The following PCSK2 variants were observed in gnomAD, a reference collection of about 807,000 sequenced individuals.
The protein encoded by PCSK2 is proprotein convertase subtilisin/kexin type 2.
Under a neutral mutation model 69.7 loss-of-function variants are expected in PCSK2, and 14 were observed. The ratio of observed to expected loss-of-function variants is 0.20; its 90% CI spans 0.13 to 0.31. The LOEUF (loss-of-function observed/expected upper bound fraction) is 0.31, where lower values mean the gene tolerates loss of function less well. PCSK2 is among the 10% of genes least tolerant of loss of function. The pLI, the probability that PCSK2 is intolerant of heterozygous loss-of-function variation, is 1.00. For synonymous variants in PCSK2, 307 were observed against 320.7 expected, an observed-to-expected ratio of 0.96 and a Z score of 0.46; for missense variants, 544 against 842.5, an observed-to-expected ratio of 0.65 and a Z score of 4.39.
intron 10 of PCSK2, 51 bp from the exon 11 acceptor site, chr20:17,465,275 C>T (rs771707721): frequency 2.4e-6 from 3 of 1,270,718 alleles, no homozygotes; most frequent in South Asian, 2.5e-5. Flanking sequence ...CTCTCCCTCT[C>T]TCACCCTGCC....
chr20:17,288,439 T>G (rs1988590612), intron 2 of PCSK2, among the ~76,000 whole-genome samples: 1 of 152,146 alleles, frequency 6.6e-6, no homozygotes, highest in East Asian at 1.9e-4. Flanking sequence ...AGAAAGTCAA[T>G]GACAGTGAGT....
At chr20:17,239,346 A>G (rs567531409) in intron 1 of PCSK2, among the ~76,000 whole-genome samples, 6 of 152,226 alleles carry the variant, frequency 3.9e-5, no homozygotes, top group Non-Finnish European at 5.9e-5. Context: ...AGGAACTGTC[A>G]GCCAAGAATG....
intron 2 of PCSK2, among the ~76,000 whole-genome samples, chr20:17,344,069 A>G (rs1990582680): frequency 6.6e-6 from 1 of 152,230 alleles, no homozygotes; most frequent in Non-Finnish European, 1.5e-5. Context: ...AAGAGCATGG[A>G]TTGTTCTGTA....
intron 2 of PCSK2, among the ~76,000 whole-genome samples, chr20:17,279,429 A>C (rs1381897227): frequency 6.6e-6 from 1 of 151,974 alleles, no homozygotes; most frequent in Non-Finnish European, 1.5e-5. Context: ...CGTTTCTCTT[A>C]TTTGATTTTT....
chr20:17,410,094 T>C (rs1327477334), intron 6 of PCSK2, among the ~76,000 whole-genome samples: 1 of 152,208 alleles, frequency 6.6e-6, no homozygotes, highest in Non-Finnish European at 1.5e-5. Flanking sequence ...ATTAGTTGTA[T>C]AAAAATATAT....
In PCSK2 at chr20:17,317,768, A is replaced by G. The variant is rs1170867209; in HGVS notation, c.283-40559A>G. ...ATACTACCCCCAAAATAAAAGAGACATGGGAAGAGTTTCTTTTTTCAAAAG... is the reference window on the plus strand; with the variant it reads ...ATACTACCCCCAAAATAAAAGAGACGTGGGAAGAGTTTCTTTTTTCAAAAG... On this transcript the variant is annotated intron_variant, in intron 2 of 11. Transcript: ENST00000262545. Among the ~76,000 whole-genome samples, 4 of 152,224 alleles carry G rather than the reference A, an allele frequency of 2.6e-5. No individual in the cohort carries two copies. The South Asian group carries it at 8.3e-4, about 31-fold the overall frequency.
intron 1 of PCSK2, among the ~76,000 whole-genome samples, chr20:17,257,942 C>T (rs1197910436): frequency 1.3e-5 from 2 of 152,142 alleles, no homozygotes; most frequent in African/African-American, 4.8e-5. Context: ...GTTCATATTG[C>T]TACTTCAGGA....
chr20:17,369,751 A>C (rs1255524684), intron 5 of PCSK2, among the ~76,000 whole-genome samples: 1 of 152,222 alleles, frequency 6.6e-6, no homozygotes, highest in African/African-American at 2.4e-5. Flanking sequence ...GGTTTAAATC[A>C]ACTCTACCTG....
intron 8 of PCSK2, among the ~76,000 whole-genome samples, chr20:17,437,873 G>A (rs1435849652): frequency 6.6e-6 from 1 of 152,230 alleles, no homozygotes; most frequent in Non-Finnish European, 1.5e-5. Flanking sequence ...CCAAACTGTT[G>A]CGTCTTCATG....
rs6136101 is a variant in PCSK2, at chr20:17,453,155, T to A, written c.886-587T>A. ...TGCACACACACGTAAGATTTTTATA[T>A]ATCATGGAGTAAATGTATGCTTTAT... On this transcript the variant is annotated intron_variant, in intron 8 of 11. Coordinates refer to ENST00000262545, the MANE Select transcript of PCSK2 (RefSeq NM_002594.5). The surrounding 1 kb of genome is among the most constrained non-coding windows in gnomAD (Gnocchi z 4.0). 0.028 allele frequency among the ~76,000 whole-genome samples: 4,323 copies of A among 152,314 alleles called. 257 individuals are homozygous for A. The highest frequency in any genetic ancestry group is 0.2 in the East Asian group (1,021 of 5,180).
At chr20:17,377,393 G>A (rs1211517884) in intron 5 of PCSK2, among the ~76,000 whole-genome samples, 1 of 152,192 alleles carries the variant, frequency 6.6e-6, no homozygotes, top group Non-Finnish European at 1.5e-5. Flanking sequence ...GCTCAGAAGA[G>A]CTGCCAGCAC....
intron 2 of PCSK2, among the ~76,000 whole-genome samples, chr20:17,353,191 G>T (rs371634518): frequency 6.6e-6 from 1 of 152,074 alleles, no homozygotes; most frequent in East Asian, 1.9e-4. Context: ...GGCTGGATGC[G>T]GTGGCTCATG....
chr20:17,272,062 A>G, intron 2 of PCSK2, among the ~76,000 whole-genome samples: 1 of 152,134 alleles, frequency 6.6e-6, no homozygotes, highest in Admixed American at 6.6e-5. Flanking sequence ...AAATTAATCT[A>G]TCTTCCATGT....
At chr20:17,304,616 C>G (rs1989268671) in intron 2 of PCSK2, among the ~76,000 whole-genome samples, 1 of 152,102 alleles carries the variant, frequency 6.6e-6, no homozygotes, top group African/African-American at 2.4e-5. Context: ...TGTGTAATTT[C>G]CATAAGGCAA....
intron 6 of PCSK2, among the ~76,000 whole-genome samples, chr20:17,420,482 T>C (rs1269779822): frequency 6.6e-6 from 1 of 152,196 alleles, no homozygotes; most frequent in East Asian, 1.9e-4. Context: ...TCCAACAGCA[T>C]TTAATTTTTA....
chr20:17,355,993 A>G (rs2030184279), intron 2 of PCSK2, among the ~76,000 whole-genome samples: 2 of 152,126 alleles, frequency 1.3e-5, no homozygotes. Context: ...TCTCTCATAA[A>G]ATACTTGCAC....
At chr20:17,478,498 C>T (rs6080708) in intron 11 of PCSK2, among the ~76,000 whole-genome samples, 105,956 of 151,992 alleles carry the variant, frequency 0.7, 36,983 homozygotes, top group East Asian at 0.73. Flanking sequence ...AATCCAAAAA[C>T]TTTAAATTAA....
At chr20:17,329,722 T>C (rs1218055459) in intron 2 of PCSK2, among the ~76,000 whole-genome samples, 1 of 152,248 alleles carries the variant, frequency 6.6e-6, no homozygotes, top group Non-Finnish European at 1.5e-5. Flanking sequence ...GAAGCATATT[T>C]GCATGTATTA....
chr20:17,287,194 G>A (rs1988541532), intron 2 of PCSK2, among the ~76,000 whole-genome samples: 2 of 152,036 alleles, frequency 1.3e-5, no homozygotes, highest in African/African-American at 4.8e-5. Context: ...CTAAACTAGT[G>A]TTTGACCAAA....
Sources: gnomAD v4.1 joint callset for allele counts (sites outside exome capture counted in the v4.1 genomes callset) on GRCh38, gnomAD v4.1.1 for gene constraint, Gnocchi (gnomAD v3.1) non-coding constraint, MANE v1.5 for transcripts, NCBI Gene and HGNC (gene_info 2026-07-23, HGNC 2026-07-21) for gene names.